CFAP99: variants seen among roughly 807,000 people sequenced by gnomAD.
CFAP99 encodes the protein cilia- and flagella-associated protein 99.
CFAP99 carries 84 observed loss-of-function variants against 82.7 expected under a neutral mutation model. The observed-to-expected ratio is 1.02, with a 90% CI of 0.85 to 1.22. The LOEUF is 1.22. CFAP99 is among the 50% of genes most tolerant of loss of function. The pLI, the probability that CFAP99 is intolerant of heterozygous loss-of-function variation, is 0.00. For missense variants in CFAP99, 1,059 were observed against 983.5 expected, an observed-to-expected ratio of 1.08 and a Z score of -1.03; for synonymous variants, 456 against 429.5, an observed-to-expected ratio of 1.06 and a Z score of -0.76.
chr4:2,443,481 C>T (rs1734098031), intron 5 of CFAP99, among the ~76,000 whole-genome samples: 2 of 152,232 alleles, frequency 1.3e-5, no homozygotes, highest in African/African-American at 4.8e-5. Flanking sequence ...TGGGCTCCCT[C>T]CATGCCAGTC....
At chr4:2,458,139 C>T (rs759134723) in intron 11 of CFAP99, among the ~76,000 whole-genome samples, 11 of 152,196 alleles carry the variant, frequency 7.2e-5, no homozygotes, top group Non-Finnish European at 1.2e-4. Flanking sequence ...TGTGGCTGCG[C>T]GGGGAGGGCC....
intron 2 of CFAP99, among the ~76,000 whole-genome samples, chr4:2,429,747 A>T (rs1034694139): frequency 6.6e-6 from 1 of 151,890 alleles, no homozygotes; most frequent in Non-Finnish European, 1.5e-5. Flanking sequence ...GCCCGCCACC[A>T]CGCCCAGCTA....
chr4:2,429,912 C>G (rs187228003), intron 2 of CFAP99, among the ~76,000 whole-genome samples: 175 of 152,236 alleles, frequency 1.1e-3, no homozygotes, highest in African/African-American at 4.1e-3. Context: ...TTTCAAAAGC[C>G]CCTCACAAGT....
intron 1 of CFAP99, among the ~76,000 whole-genome samples, chr4:2,423,750 T>C (rs1226897761): frequency 1.3e-5 from 2 of 152,310 alleles, no homozygotes; most frequent in African/African-American, 2.4e-5. Context: ...ATCTGTGGAT[T>C]TGCGGGTTTA....
intron 4 of CFAP99, among the ~76,000 whole-genome samples, chr4:2,438,972 G>A (rs1368568820): frequency 6.6e-6 from 1 of 152,128 alleles, no homozygotes; most frequent in East Asian, 1.9e-4. Context: ...GGCCAGTGAT[G>A]AGGATTGGCA....
At chr4:2,425,693 G>A (rs1035591524) in intron 1 of CFAP99, among the ~76,000 whole-genome samples, 1 of 152,188 alleles carries the variant, frequency 6.6e-6, no homozygotes, top group South Asian at 2.1e-4. Context: ...AAGGATGACG[G>A]CCTTTGCTGA....
At chr4:2,435,854 AGGTGGGAAGCAGCTACTCAGGAGGCCG>A in intron 2 of CFAP99, among the ~76,000 whole-genome samples, 2 of 148,804 alleles carry the variant, frequency 1.3e-5, no homozygotes. Flanking sequence ...CAGGAGGCCG[AGGTGGGAAGCAGCTACTCAGGAGGCCG>A]AGGTGGGGAG....
At chr4:2,458,158 C>T (rs1362851462) in intron 11 of CFAP99, among the ~76,000 whole-genome samples, 7 of 152,192 alleles carry the variant, frequency 4.6e-5, no homozygotes, top group East Asian at 1.9e-4. Context: ...CCGGTGTGGA[C>T]GCCTCTTTTC....
At chr4:2,438,071 G>T in exon 4 of CFAP99, 3 of 1,530,218 alleles carry the variant, frequency 2.0e-6, no homozygotes, top group Non-Finnish European at 2.6e-6. Context: ...GTTTTCTAGT[G>T]ATCTGCTACC....
chr4:2,423,653 G>A lies in CFAP99; in HGVS notation c.-17-2806G>A, dbSNP rs1002883010. Among the ~76,000 whole-genome samples the A allele has an allele frequency of 2.6e-5, 4 of 152,168 alleles. No individual in the cohort carries two copies. The East Asian group carries it at 7.7e-4, about 29-fold the overall frequency. On this transcript the variant is annotated intron_variant, in intron 1 of 14. Coordinates refer to ENST00000635017, the Ensembl canonical transcript of CFAP99. ...CCAGGGGCAGGCCATGAAGGGGGTG[G>A]GAACCCTCAGAGGGTCTGGGCAGCC... is the stretch of plus-strand genomic sequence containing the variant.
chr4:2,425,929 G>C (rs11732175), intron 1 of CFAP99, among the ~76,000 whole-genome samples: 16,365 of 152,038 alleles, frequency 0.11, 974 homozygotes, highest in African/African-American at 0.15. Context: ...TGACCCCAGG[G>C]ACCCCAGGCT....
chr4:2,458,896 C>G (rs551260281), intron 12 of CFAP99, 32 bp downstream of exon 12: 3 of 1,518,660 alleles, frequency 2.0e-6, no homozygotes, highest in South Asian at 2.4e-5. Context: ...CTGGCCCTAC[C>G]CCGCTCTTCC....
At chr4:2,456,245 C>G (rs1411163150) in intron 11 of CFAP99, among the ~76,000 whole-genome samples, 2 of 152,042 alleles carry the variant, frequency 1.3e-5, no homozygotes, top group Non-Finnish European at 2.9e-5. Context: ...GTTGGCCAGG[C>G]TGGTCTCAAA....
intron 2 of CFAP99, among the ~76,000 whole-genome samples, chr4:2,429,774 G>A (rs1256324491): frequency 2.0e-5 from 3 of 152,090 alleles, no homozygotes; most frequent in African/African-American, 7.2e-5. Flanking sequence ...TGTATTTTTA[G>A]TAGAGACGGG....
At chr4:2,443,100 C>T (rs915847991) in intron 4 of CFAP99, 30 bp from the exon 5 acceptor site, 84 of 1,271,892 alleles carry the variant, frequency 6.6e-5, no homozygotes, top group East Asian at 3.0e-4. Flanking sequence ...CCCAGGGCTC[C>T]GGCCCCCTGA....
intron 2 of CFAP99, 33 bp downstream of exon 2, chr4:2,426,619 G>A (rs560716664): frequency 1.8e-4 from 241 of 1,347,996 alleles, no homozygotes; most frequent in Non-Finnish European, 2.1e-4. Flanking sequence ...GGGAGGCCAC[G>A]CCAATGGCAC....
At chr4:2,422,809 C>T (rs560073637) in intron 1 of CFAP99, among the ~76,000 whole-genome samples, 1 of 152,144 alleles carries the variant, frequency 6.6e-6, no homozygotes, top group Non-Finnish European at 1.5e-5. Context: ...AGAAGTAGAC[C>T]TTTACATTTA....
At chr4:2,441,104 G>C (rs1167928087) in intron 4 of CFAP99, among the ~76,000 whole-genome samples, 1 of 150,604 alleles carries the variant, frequency 6.6e-6, no homozygotes, top group African/African-American at 2.4e-5. Context: ...AATTGTTGAG[G>C]CCGGGCACAA....
At chr4:2,449,980 C>T in exon 8 of CFAP99, 1 of 1,536,132 alleles carries the variant, frequency 6.5e-7, no homozygotes, top group Non-Finnish European at 8.7e-7. Context: ...TGCGCCATGC[C>T]CAGGTCCTGC....
Sources: gnomAD v4.1 joint callset for allele counts (sites outside exome capture counted in the v4.1 genomes callset) on GRCh38, gnomAD v4.1.1 for gene constraint, MANE v1.5 for transcripts, NCBI Gene and HGNC (gene_info 2026-07-23, HGNC 2026-07-21) for gene names.